PPARG: variants seen among roughly 807,000 people sequenced by gnomAD.
The protein encoded by PPARG is peroxisome proliferator activated receptor gamma, also known as peroxisome proliferator-activated receptor gamma.
PPARG carries 17 observed loss-of-function variants against 39.2 expected under a neutral mutation model. That is an observed-to-expected ratio of 0.43 (90% CI 0.30 to 0.65). The LOEUF is 0.65. Ranked by LOEUF, PPARG falls within the 30% of genes least tolerant of loss-of-function variation. PPARG has a pLI of 0.13. For missense variants in PPARG, 406 were observed against 585.9 expected (o/e 0.69, Z 3.17); for synonymous variants, 223 against 215.7 (o/e 1.03, Z -0.30).
At chr3:12,346,607 T>G (rs76332463) in intron 2 of PPARG, among the ~76,000 whole-genome samples, 4 of 152,036 alleles carry the variant, frequency 2.6e-5, no homozygotes, top group Admixed American at 1.3e-4. Flanking sequence ...TTTTTTTTTT[T>G]GATACCAAAG....
intron 5 of PPARG, among the ~76,000 whole-genome samples, chr3:12,397,612 G>C (rs1273666536): frequency 6.6e-6 from 1 of 151,512 alleles, no homozygotes; most frequent in Non-Finnish European, 1.5e-5. Flanking sequence ...GGGTTTCACC[G>C]TGTTAGCCAG....
rs139894525 is a variant in PPARG at position 12,416,887 on chromosome 3, G to C, written c.913G>C (p.Val305Leu). 2.2e-4 allele frequency: 355 copies of C among 1,614,118 alleles called. No homozygotes were observed. The African/African-American group carries it at 4.2e-3, about 19-fold the overall frequency. ...GTATGCCAAAAGCATTCCTGGTTTT[G>C]TAAATCTTGACTTGAACGACCAAGT... ...TEYAKSIPGF[V>L]NLDLNDQVTL... Residue 305 changes from valine (V) to leucine (L), a missense_variant, in exon 7 of 8, where the codon GTA becomes CTA. Physicochemically the swap from Val to Leu is conservative, Grantham distance 32. Transcript: ENST00000651735.
In PPARG at chr3:12,431,806, G is replaced by A. The variant is rs144535744; in HGVS notation, c.1181-2092G>A. ...AATTTCGAAATTAGTTGGGTGTGGC[G>A]GCTCATGCCTATAGTCCCAGCTACT... is the stretch of plus-strand genomic sequence containing the variant. On this transcript the variant is annotated intron_variant, in intron 7 of 7. Transcript: ENST00000651735. 4.0e-3 allele frequency among the ~76,000 whole-genome samples: 612 copies of A among 152,118 alleles called. 2 individuals are homozygous for A. Among genetic ancestry groups the A allele is most frequent in the Admixed American group, 7.5e-3 (114 of 15,276 alleles).
At chr3:12,353,965 A>T (rs2048574467) in intron 2 of PPARG, among the ~76,000 whole-genome samples, 1 of 152,212 alleles carries the variant, frequency 6.6e-6, no homozygotes, top group Non-Finnish European at 1.5e-5. Context: ...GCCTTGAAAG[A>T]TGATGACACA....
At chr3:12,306,319 C>T (rs2047062028) in intron 1 of PPARG, among the ~76,000 whole-genome samples, 1 of 152,186 alleles carries the variant, frequency 6.6e-6, no homozygotes, top group South Asian at 2.1e-4. Context: ...TTCGCTCGCC[C>T]ACCACTCATC....
At chr3:12,392,826 T>A in intron 5 of PPARG, 74 bp downstream of exon 5, 1 of 1,562,102 alleles carries the variant, frequency 6.4e-7, no homozygotes, top group Non-Finnish European at 8.8e-7. Flanking sequence ...CTAAAGCCAT[T>A]GCCAAAAATG....
At position 12,417,759 on chromosome 3, in the gene PPARG, A is replaced by G. The variant is rs530257647; in HGVS notation, c.1180+605A>G. On this transcript the variant is annotated intron_variant, in intron 7 of 7. Coordinates refer to ENST00000651735, the MANE Select transcript of PPARG (RefSeq NM_138711.6). ...TAAGAATGCAATGTGAACCGAACACACAACATAGAAATAAATTTAGTTATT... is the reference window on the plus strand; with the variant it reads ...TAAGAATGCAATGTGAACCGAACACGCAACATAGAAATAAATTTAGTTATT... 4.6e-5 allele frequency among the ~76,000 whole-genome samples: 7 copies of G among 152,302 alleles called. No homozygotes were observed. The South Asian group carries it at 1.5e-3, about 32-fold the overall frequency.
chr3:12,396,617 G>A (rs761983749), intron 5 of PPARG, among the ~76,000 whole-genome samples: 4 of 151,992 alleles, frequency 2.6e-5, no homozygotes, highest in Non-Finnish European at 4.4e-5. Flanking sequence ...AATTAGTCGG[G>A]CGTGATGGCT....
intron 2 of PPARG, chr3:12,344,901 T>A (rs1311782340): frequency 1.3e-5 from 2 of 152,232 alleles, no homozygotes; most frequent in African/African-American, 4.8e-5. Context: ...CCAGGTCTGT[T>A]TGACTCTTTG....
At chr3:12,307,138 C>CTTTTTTT (rs71268430) in intron 1 of PPARG, among the ~76,000 whole-genome samples, 1 of 128,798 alleles carries the variant, frequency 7.8e-6, no homozygotes, top group Non-Finnish European at 1.6e-5. Context: ...TTAGGAAATT[C>CTTTTTTT]TTTTTTTTTT....
chr3:12,378,418 TATATAC>T (rs1296731612), intron 2 of PPARG, among the ~76,000 whole-genome samples: 3 of 152,106 alleles, frequency 2.0e-5, no homozygotes, highest in African/African-American at 7.2e-5. Context: ...TATCTGTATA[TATATAC>T]ACACATACAT....
chr3:12,313,840 G>T (rs981208162), intron 2 of PPARG, among the ~76,000 whole-genome samples: 3 of 152,202 alleles, frequency 2.0e-5, no homozygotes, highest in Admixed American at 6.5e-5. Context: ...ATACATAAAT[G>T]ACTGAATAAG....
At chr3:12,415,173 T>C (rs1457247535) in intron 6 of PPARG, among the ~76,000 whole-genome samples, 1 of 152,194 alleles carries the variant, frequency 6.6e-6, no homozygotes, top group Non-Finnish European at 1.5e-5. Flanking sequence ...AGAGACTTCA[T>C]GTTTGTCGTG....
rs4135347 is a variant in PPARG at position 12,407,527 on chromosome 3, T to C, written c.729+1446T>C. Among the ~76,000 whole-genome samples, 843 of 152,282 alleles carry C rather than the reference T, an allele frequency of 5.5e-3. 11 individuals are homozygous for C. The highest frequency in any genetic ancestry group is 0.019 in the African/African-American group (783 of 41,558). On this transcript the variant is annotated intron_variant, in intron 6 of 7. Coordinates refer to ENST00000651735, the MANE Select transcript of PPARG (RefSeq NM_138711.6). ...GATGTCTGCACAACGCTCCCAGGGCTGTAAGAACTGCAGAACACACTGAGA... is the reference window on the plus strand; with the variant it reads ...GATGTCTGCACAACGCTCCCAGGGCCGTAAGAACTGCAGAACACACTGAGA...
chr3:12,290,357 C>A (rs1170107926), intron 1 of PPARG, among the ~76,000 whole-genome samples: 1 of 151,844 alleles, frequency 6.6e-6, no homozygotes, highest in Admixed American at 6.6e-5. Flanking sequence ...AATATAATTT[C>A]TTTTTAAAAT....
intron 1 of PPARG, among the ~76,000 whole-genome samples, chr3:12,292,971 G>A (rs1243699742): frequency 6.6e-6 from 1 of 152,230 alleles, no homozygotes; most frequent in Non-Finnish European, 1.5e-5. Flanking sequence ...GCAAAGAAAG[G>A]CTCATGCTGG....
At chr3:12,425,342 A>G (rs887676772) in intron 7 of PPARG, among the ~76,000 whole-genome samples, 1 of 152,160 alleles carries the variant, frequency 6.6e-6, no homozygotes, top group South Asian at 2.1e-4. Flanking sequence ...TTTCTGAGAG[A>G]CATTGGGAAG....
intron 2 of PPARG, among the ~76,000 whole-genome samples, chr3:12,314,508 G>A (rs1278556391): frequency 6.6e-6 from 1 of 152,104 alleles, no homozygotes; most frequent in African/African-American, 2.4e-5. Context: ...GTCCTGAAAA[G>A]GACAGATCAT....
At position 12,307,611 on chromosome 3, in the gene PPARG, G is replaced by A. The variant is rs569097470; in HGVS notation, c.-82-4769G>A. On this transcript the variant is annotated intron_variant, in intron 1 of 7. Coordinates refer to ENST00000651735, the MANE Select transcript of PPARG (RefSeq NM_138711.6). ...GAGAGAGAGATCGTGAAATTCCTGGGCTGGGAATAAAGACTGTGTGTAGGT... is the reference window on the plus strand; with the variant it reads ...GAGAGAGAGATCGTGAAATTCCTGGACTGGGAATAAAGACTGTGTGTAGGT... 8.5e-5 allele frequency among the ~76,000 whole-genome samples: 13 copies of A among 152,292 alleles called. No individual in the cohort carries two copies. The South Asian group carries it at 2.5e-3, about 29-fold the overall frequency.
Sources: allele counts gnomAD v4.1 joint callset (sites outside exome capture counted in the v4.1 genomes callset), GRCh38; gene constraint gnomAD v4.1.1; transcripts MANE v1.5; gene names NCBI Gene and HGNC (gene_info 2026-07-23, HGNC 2026-07-21).